Variants in PHF14 observed in about 807,000 individuals in gnomAD.
PHF14 encodes PHD finger protein 14.
A neutral mutation model predicts 117.9 loss-of-function variants in PHF14; 55 were observed. That is an observed-to-expected ratio of 0.47 (90% CI 0.38 to 0.58). The LOEUF (loss-of-function observed/expected upper bound fraction) is 0.58. Among genes scored for constraint, PHF14 ranks in the 20% least tolerant of loss-of-function variants. PHF14 has a pLI of 0.00. For missense variants in PHF14, 978 were observed against 1,122.2 expected, an observed-to-expected ratio of 0.87 and a Z score of 1.84; for synonymous variants, 409 against 368.6, an observed-to-expected ratio of 1.11 and a Z score of -1.26.
At chr7:11,037,201 C>G in intron 10 of PHF14, 110 bp downstream of exon 10, 1 of 944,408 alleles carries the variant, frequency 1.1e-6, no homozygotes, top group Non-Finnish European at 1.5e-6. Flanking sequence ...TTCTGGAGCT[C>G]TTTGGCTCTT....
chr7:11,079,816 T>G (rs1786012843), intron 16 of PHF14, among the ~76,000 whole-genome samples: 1 of 152,178 alleles, frequency 6.6e-6, no homozygotes, highest in South Asian at 2.1e-4. Context: ...TAATTTTTTT[T>G]TCTTCATTGT....
intron 17 of PHF14, among the ~76,000 whole-genome samples, chr7:11,119,479 C>T (rs187864483): frequency 6.4e-4 from 97 of 151,506 alleles, no homozygotes; most frequent in Middle Eastern, 3.4e-3. Flanking sequence ...TTTTATTTGT[C>T]GTGTGAGTGT....
chr7:11,027,216 A>T (rs1187669496), intron 6 of PHF14, among the ~76,000 whole-genome samples: 2 of 152,072 alleles, frequency 1.3e-5, no homozygotes, highest in African/African-American at 4.8e-5. Flanking sequence ...AAATAATTTA[A>T]TTTCTCTTTA....
intron 14 of PHF14, among the ~76,000 whole-genome samples, chr7:11,057,645 A>T (rs1485229623): frequency 1.3e-5 from 2 of 152,160 alleles, no homozygotes; most frequent in African/African-American, 4.8e-5. Context: ...AAGTACTAAG[A>T]TCACAGGCCT....
At chr7:11,141,406 G>C (rs1382633061) in intron 17 of PHF14, among the ~76,000 whole-genome samples, 1 of 152,018 alleles carries the variant, frequency 6.6e-6, no homozygotes, top group Non-Finnish European at 1.5e-5. Context: ...CCCCTGTATA[G>C]TATAGAATCT....
rs117932204 is a variant in PHF14, at chr7:11,077,417, G to A, written c.2654+15332G>A. 5.9e-3 allele frequency among the ~76,000 whole-genome samples: 896 copies of A among 151,650 alleles called. 26 individuals carry two copies. Among genetic ancestry groups the A allele is most frequent in the East Asian group, 0.039 (201 of 5,140 alleles). The stretch of plus-strand genomic sequence containing the variant: ...AGAGATGAAGACCATCCTGGCCAAC[G>A]TGGTAAAACCCCGTCTCTACTACAA... On this transcript the variant is annotated intron_variant, in intron 16 of 17. Transcript: ENST00000634607.
intron 4 of PHF14, chr7:11,006,583 C>G: frequency 3.3e-6 from 2 of 603,704 alleles, no homozygotes; most frequent in Non-Finnish European, 6.3e-6. Flanking sequence ...TCAGTGAACA[C>G]AAGCATGTTG....
chr7:11,041,345 CATAA>C (rs969265691), intron 12 of PHF14, among the ~76,000 whole-genome samples: 28 of 151,726 alleles, frequency 1.8e-4, no homozygotes, highest in African/African-American at 5.1e-4. Context: ...GACTTCTTTC[CATAA>C]ATAAATAGGT....
chr7:11,151,667 C>CT (rs1163675831), intron 17 of PHF14, among the ~76,000 whole-genome samples: 3 of 152,110 alleles, frequency 2.0e-5, no homozygotes, highest in Non-Finnish European at 4.4e-5. Flanking sequence ...CTTTAAGACT[C>CT]TTGAGTTTGA....
intron 17 of PHF14, among the ~76,000 whole-genome samples, chr7:11,128,465 C>A (rs1218944527): frequency 6.6e-6 from 1 of 151,922 alleles, no homozygotes; most frequent in Non-Finnish European, 1.5e-5. Context: ...CATCTCCTTT[C>A]TCTTCAGTAC....
At chr7:11,034,610 G>A (rs1015907163) in intron 7 of PHF14, among the ~76,000 whole-genome samples, 3 of 141,870 alleles carry the variant, frequency 2.1e-5, no homozygotes, top group South Asian at 2.3e-4. Context: ...GTGCAGTGGC[G>A]CGATCTCGGT....
intron 17 of PHF14, among the ~76,000 whole-genome samples, chr7:11,155,635 C>G (rs1175325894): frequency 6.6e-6 from 1 of 152,148 alleles, no homozygotes; most frequent in Non-Finnish European, 1.5e-5. Flanking sequence ...CTAAAAGTCA[C>G]ATAGCACTAT....
At chr7:11,079,869 G>T (rs1786016182) in intron 16 of PHF14, among the ~76,000 whole-genome samples, 1 of 151,716 alleles carries the variant, frequency 6.6e-6, no homozygotes, top group Non-Finnish European at 1.5e-5. Flanking sequence ...GATCATAAAT[G>T]ACATGTCAAT....
chr7:11,004,246 CAAAAAAAA>C (rs55917513), intron 4 of PHF14, among the ~76,000 whole-genome samples: 9 of 51,282 alleles, frequency 1.8e-4, no homozygotes, highest in African/African-American at 5.8e-4. Flanking sequence ...GACTTTGTCT[CAAAAAAAA>C]AAAAAAAAAA....
chr7:11,145,673 T>C (rs1788529524), intron 17 of PHF14, among the ~76,000 whole-genome samples: 1 of 152,036 alleles, frequency 6.6e-6, no homozygotes, highest in Non-Finnish European at 1.5e-5. Flanking sequence ...AGAACTACTT[T>C]TCTGATCAAA....
At chr7:11,031,381 C>T (rs1784117404) in intron 7 of PHF14, among the ~76,000 whole-genome samples, 1 of 151,920 alleles carries the variant, frequency 6.6e-6, no homozygotes, top group Non-Finnish European at 1.5e-5. Context: ...TAAGAATAGT[C>T]AAAGCATGTT....
chr7:11,033,829 T>C (rs1006098180), intron 7 of PHF14, among the ~76,000 whole-genome samples: 2 of 152,214 alleles, frequency 1.3e-5, no homozygotes, highest in Non-Finnish European at 2.9e-5. Flanking sequence ...ATTTAACATC[T>C]CTGTCACCAA....
intron 16 of PHF14, among the ~76,000 whole-genome samples, chr7:11,094,458 C>T (rs1400884766): frequency 2.6e-5 from 4 of 152,272 alleles, no homozygotes; most frequent in African/African-American, 7.2e-5. Context: ...ATTCTGACTC[C>T]TCCTACTTCT....
At chr7:10,996,031 G>A (rs1273245124) in intron 4 of PHF14, among the ~76,000 whole-genome samples, 5 of 152,368 alleles carry the variant, frequency 3.3e-5, no homozygotes, top group East Asian at 1.9e-4. Context: ...CGCCAAGGCC[G>A]AGGAGGTGCC....
Sources: allele counts gnomAD v4.1 joint callset (sites outside exome capture counted in the v4.1 genomes callset), GRCh38; gene constraint gnomAD v4.1.1; transcripts MANE v1.5; gene names NCBI Gene and HGNC (gene_info 2026-07-23, HGNC 2026-07-21).